Variants in SDK1 observed in about 807,000 individuals in gnomAD.
SDK1 encodes protein sidekick-1.
A neutral mutation model predicts 245.5 loss-of-function variants in SDK1; 157 were observed. The observed-to-expected ratio is 0.64, with a 90% CI of 0.56 to 0.73. The LOEUF is 0.73. Ranked by LOEUF, SDK1 falls within the 30% of genes least tolerant of loss-of-function variation. The pLI is 0.00. For missense variants in SDK1, 3,583 were observed against 3,002.3 expected (o/e 1.19, Z -4.52); for synonymous variants, 1,647 against 1,278.5 (o/e 1.29, Z -6.15).
intron 17 of SDK1, among the ~76,000 whole-genome samples, chr7:4,039,781 T>G (rs1788476836): frequency 6.6e-6 from 1 of 152,188 alleles, no homozygotes; most frequent in Admixed American, 6.5e-5. Flanking sequence ...ATTCCATCAG[T>G]AATCAGATCT....
intron 4 of SDK1, among the ~76,000 whole-genome samples, chr7:3,802,244 G>A (rs998938213): frequency 3.3e-5 from 5 of 152,120 alleles, no homozygotes; most frequent in Non-Finnish European, 7.4e-5. Flanking sequence ...CCACAATACA[G>A]TGCTGGGCTG....
chr7:4,106,360 G>A (rs1310930453), intron 22 of SDK1, among the ~76,000 whole-genome samples: 1 of 150,702 alleles, frequency 6.6e-6, no homozygotes, highest in African/African-American at 2.4e-5. Flanking sequence ...CTGGAGTGCA[G>A]TGGCATGATC....
chr7:4,049,942 C>T (rs1218968127), intron 18 of SDK1, among the ~76,000 whole-genome samples: 1 of 152,162 alleles, frequency 6.6e-6, no homozygotes, highest in African/African-American at 2.4e-5. Context: ...CCCGCCCATA[C>T]TGAATTAGAC....
intron 1 of SDK1, among the ~76,000 whole-genome samples, chr7:3,481,250 C>T (rs985012325): frequency 6.6e-6 from 1 of 152,148 alleles, no homozygotes; most frequent in Non-Finnish European, 1.5e-5. Context: ...AAAACTAAGA[C>T]ACAGAGGGTT....
At chr7:3,432,387 G>C (rs747219045) in intron 1 of SDK1, among the ~76,000 whole-genome samples, 1 of 152,040 alleles carries the variant, frequency 6.6e-6, no homozygotes, top group Non-Finnish European at 1.5e-5. Flanking sequence ...TGATGTAGCA[G>C]TGTCAAAAGG....
Position 3,827,502 on chromosome 7 carries a change from A to G in SDK1, c.847+5919A>G, listed in dbSNP as rs1779806517. On this transcript the variant is annotated intron_variant, in intron 5 of 44. Coordinates refer to ENST00000404826, the MANE Select transcript of SDK1 (RefSeq NM_152744.4). ...AGGGGCAGAATTGAGAAAGTGAAAG[A>G]CTCTGATAACTGAGAGATAAATGAT... 2.0e-5 allele frequency among the ~76,000 whole-genome samples: 3 copies of G among 152,098 alleles called. No homozygotes were observed. In the South Asian group the frequency reaches 6.2e-4, roughly 32 times the overall value.
At chr7:3,581,927 G>T (rs1453645589) in intron 1 of SDK1, among the ~76,000 whole-genome samples, 1 of 152,236 alleles carries the variant, frequency 6.6e-6, no homozygotes. Flanking sequence ...ATTCTCGTCA[G>T]TGGGAGCTAA....
intron 1 of SDK1, among the ~76,000 whole-genome samples, chr7:3,585,430 G>A (rs149047799): frequency 6.6e-6 from 1 of 152,336 alleles, no homozygotes; most frequent in East Asian, 1.9e-4. Flanking sequence ...GGCTGCATAA[G>A]TTGAGGGGAT....
Position 3,987,715 on chromosome 7 carries a change from G to A in SDK1, c.2131+393G>A, listed in dbSNP as rs1013955845. Among the ~76,000 whole-genome samples the A allele has an allele frequency of 3.3e-5, 5 of 151,698 alleles. No homozygotes were observed. In the East Asian group the frequency reaches 7.8e-4, roughly 24 times the overall value. Reference sequence around the variant, plus strand: ...GTGGGAGGTTTTCTCCGGTGTAGACGTGGTGTCAAGTGTTCAGCACCCTCT... The same window carrying A: ...GTGGGAGGTTTTCTCCGGTGTAGACATGGTGTCAAGTGTTCAGCACCCTCT... On this transcript the variant is annotated intron_variant, in intron 14 of 44. Transcript: ENST00000404826.
intron 16 of SDK1, among the ~76,000 whole-genome samples, chr7:4,013,960 A>G (rs1786183736): frequency 6.6e-6 from 1 of 152,350 alleles, no homozygotes; most frequent in East Asian, 1.9e-4. Flanking sequence ...CCTCCGCTCC[A>G]GAAAACAGCC....
At chr7:3,977,556 C>G (rs548496147) in intron 13 of SDK1, among the ~76,000 whole-genome samples, 2 of 152,266 alleles carry the variant, frequency 1.3e-5, no homozygotes, top group Non-Finnish European at 2.9e-5. Flanking sequence ...ACTGTCTCTG[C>G]GGTTGGGTGC....
At chr7:3,637,463 G>A (rs1038232946) in intron 2 of SDK1, among the ~76,000 whole-genome samples, 2 of 152,180 alleles carry the variant, frequency 1.3e-5, no homozygotes, top group African/African-American at 4.8e-5. Flanking sequence ...TAATTTGTCT[G>A]TGAACGTGGC....
intron 1 of SDK1, among the ~76,000 whole-genome samples, chr7:3,584,887 C>G (rs1255203482): frequency 1.3e-5 from 2 of 152,080 alleles, no homozygotes; most frequent in East Asian, 3.9e-4. Flanking sequence ...TCACACCTGG[C>G]TAATTTTTTT....
intron 22 of SDK1, among the ~76,000 whole-genome samples, chr7:4,087,282 A>T (rs777994870): frequency 6.6e-6 from 1 of 151,868 alleles, no homozygotes; most frequent in East Asian, 1.9e-4. Flanking sequence ...TAAAATGACC[A>T]TTTTTTTTCC....
chr7:3,898,022 G>T (rs1031983169), intron 5 of SDK1, among the ~76,000 whole-genome samples: 4 of 151,804 alleles, frequency 2.6e-5, no homozygotes, highest in African/African-American at 7.3e-5. Flanking sequence ...GGAAGCCGCC[G>T]TGTGCACACA....
chr7:3,555,451 T>A (rs1329615747), intron 1 of SDK1, among the ~76,000 whole-genome samples: 1 of 152,136 alleles, frequency 6.6e-6, no homozygotes, highest in Non-Finnish European at 1.5e-5. Context: ...AACTTTAAGA[T>A]GTGAAGATTA....
intron 5 of SDK1, among the ~76,000 whole-genome samples, chr7:3,876,562 T>TA (rs1781082874): frequency 6.6e-6 from 1 of 152,230 alleles, no homozygotes; most frequent in Non-Finnish European, 1.5e-5. Flanking sequence ...TTTTAAAATG[T>TA]AAAAACAGGC....
chr7:3,355,301 G>C (rs553429998), intron 1 of SDK1, among the ~76,000 whole-genome samples: 95 of 152,268 alleles, frequency 6.2e-4, no homozygotes, highest in Middle Eastern at 3.4e-3. Context: ...TTGTGAAAAT[G>C]TCCCATTAAC....
At chr7:3,785,573 T>C (rs1780877697) in intron 4 of SDK1, among the ~76,000 whole-genome samples, 1 of 152,176 alleles carries the variant, frequency 6.6e-6, no homozygotes, top group Non-Finnish European at 1.5e-5. Flanking sequence ...AAGAAAACAT[T>C]ACAAATTAAA....
Sources: gnomAD v4.1 joint callset for allele counts (sites outside exome capture counted in the v4.1 genomes callset) on GRCh38, gnomAD v4.1.1 for gene constraint, MANE v1.5 for transcripts, NCBI Gene and HGNC (gene_info 2026-07-23, HGNC 2026-07-21) for gene names.